Variants in CSMD1 observed in about 807,000 individuals in gnomAD.
CSMD1 encodes CUB and Sushi multiple domains 1.
A neutral mutation model predicts 417.5 loss-of-function variants in CSMD1; 213 were observed. The ratio of observed to expected loss-of-function variants is 0.51; its 90% CI spans 0.46 to 0.57. The LOEUF is 0.57. Among genes scored for constraint, CSMD1 ranks in the 20% least tolerant of loss-of-function variants. The pLI, the probability that CSMD1 is intolerant of heterozygous loss-of-function variation, is 0.00. For missense variants in CSMD1, 6,923 were observed against 4,529.7 expected (o/e 1.53, Z -15.17); for synonymous variants, 2,862 against 1,736.8 (o/e 1.65, Z -16.11).
intron 1 of CSMD1, among the ~76,000 whole-genome samples, chr8:4,994,067 T>C (rs1020067155): frequency 6.6e-6 from 1 of 151,404 alleles, no homozygotes; most frequent in Admixed American, 6.6e-5. Flanking sequence ...CTTGACACCC[T>C]GTACTGCCGA....
chr8:4,012,609 T>C (rs1192768063), intron 4 of CSMD1, among the ~76,000 whole-genome samples: 1 of 152,112 alleles, frequency 6.6e-6, no homozygotes, highest in Non-Finnish European at 1.5e-5. Context: ...AGTGACTATG[T>C]CATCTGTATG....
intron 10 of CSMD1, among the ~76,000 whole-genome samples, chr8:3,513,582 A>G (rs1797167343): frequency 6.6e-6 from 1 of 152,170 alleles, no homozygotes; most frequent in African/African-American, 2.4e-5. Context: ...CCTGATTAAT[A>G]CACTAATCCT....
Position 2,951,177 on chromosome 8 carries a change from C to T in CSMD1, c.10138G>A (p.Ala3380Thr), listed in dbSNP as rs2128919504. Residue 3380 changes from alanine (A) to threonine (T), a missense_variant, in exon 66 of 70, where the codon GCA becomes ACA. Physicochemically the swap from Ala to Thr is moderately conservative, Grantham distance 58 (BLOSUM62 0). Transcript: ENST00000635120. Reference sequence around the variant, plus strand: ...GTGGCATTCACCTTACTGCTTGTTGCATTGAACCAGTCAACAGTTAGAGTG... The same window carrying T: ...GTGGCATTCACCTTACTGCTTGTTGTATTGAACCAGTCAACAGTTAGAGTG... Reference protein sequence around the residue: ...PATLTVDWFNATSSKVNATFS... With the variant: ...PATLTVDWFNTTSSKVNATFS... 1 of 1,613,598 alleles carries T rather than the reference C, an allele frequency of 6.2e-7. No homozygotes were observed. Among genetic ancestry groups the T allele is most frequent in the Non-Finnish European group, 8.5e-7 (1 of 1,179,664 alleles).
intron 10 of CSMD1, among the ~76,000 whole-genome samples, chr8:3,553,465 A>C (rs192193370): frequency 6.6e-6 from 1 of 152,194 alleles, no homozygotes; most frequent in African/African-American, 2.4e-5. Flanking sequence ...CTACTATGAA[A>C]AAAATTTGAA....
intron 5 of CSMD1, among the ~76,000 whole-genome samples, chr8:3,840,698 T>TTTA (rs1056890599): frequency 6.6e-6 from 1 of 150,710 alleles, no homozygotes; most frequent in African/African-American, 2.4e-5. Flanking sequence ...TTTTAATTTT[T>TTTA]TTTTTTTTTT....
At chr8:3,474,255 T>A (rs368120046) in intron 11 of CSMD1, among the ~76,000 whole-genome samples, 1 of 152,042 alleles carries the variant, frequency 6.6e-6, no homozygotes, top group Non-Finnish European at 1.5e-5. Context: ...TGAATATAAA[T>A]CGTCAAATAA....
intron 3 of CSMD1, among the ~76,000 whole-genome samples, chr8:4,156,946 C>T (rs1050789168): frequency 6.6e-6 from 1 of 152,062 alleles, no homozygotes. Context: ...CTTTATCTAT[C>T]CAACCAACTT....
intron 7 of CSMD1, among the ~76,000 whole-genome samples, chr8:3,625,178 C>G (rs1411261386): frequency 6.6e-6 from 1 of 151,940 alleles, no homozygotes; most frequent in African/African-American, 2.4e-5. Flanking sequence ...TCTATATAAA[C>G]AGGTAAAATA....
intron 2 of CSMD1, among the ~76,000 whole-genome samples, chr8:4,623,373 T>C (rs1250118030): frequency 6.6e-6 from 1 of 152,096 alleles, no homozygotes; most frequent in Non-Finnish European, 1.5e-5. Context: ...CTAAAATTCA[T>C]CCCTCAGGTG....
intron 10 of CSMD1, among the ~76,000 whole-genome samples, chr8:3,514,122 A>C (rs1232383681): frequency 6.6e-6 from 1 of 152,086 alleles, no homozygotes; most frequent in Non-Finnish European, 1.5e-5. Context: ...AGGAGGCTCA[A>C]ATCAATCTCT....
At chr8:3,182,423 C>T (rs1472957123) in intron 36 of CSMD1, among the ~76,000 whole-genome samples, 2 of 152,226 alleles carry the variant, frequency 1.3e-5, no homozygotes, top group Middle Eastern at 3.4e-3. Context: ...CCATGTTGGC[C>T]AGGCTGGTCT....
At chr8:3,500,776 G>C (rs1030904241) in intron 10 of CSMD1, among the ~76,000 whole-genome samples, 4 of 152,190 alleles carry the variant, frequency 2.6e-5, no homozygotes, top group African/African-American at 9.6e-5. Context: ...AGAAAGAACA[G>C]CAGAGTTGTA....
At position 3,991,625 on chromosome 8, in the gene CSMD1, T is replaced by A. The variant is rs2688376; in HGVS notation, c.818+6278A>T. Reference sequence around the variant, plus strand: ...CACAGTAACAGAGATGACTACAAATTAGAAGTGGAGGGCACTTTCTTTGTA... The same window carrying A: ...CACAGTAACAGAGATGACTACAAATAAGAAGTGGAGGGCACTTTCTTTGTA... On this transcript the variant is annotated intron_variant, in intron 5 of 69. Transcript: ENST00000635120. Among the ~76,000 whole-genome samples, 1,027 of 152,300 alleles carry A rather than the reference T, an allele frequency of 6.7e-3. 23 individuals are homozygous for A. The East Asian group carries it at 0.076, about 11-fold the overall frequency.
chr8:4,523,439 G>A (rs961898244), intron 2 of CSMD1, among the ~76,000 whole-genome samples: 1 of 152,134 alleles, frequency 6.6e-6, no homozygotes, highest in Non-Finnish European at 1.5e-5. Context: ...TTCAGAAGGT[G>A]TAAAACTCAT....
intron 1 of CSMD1, among the ~76,000 whole-genome samples, chr8:4,695,843 G>T (rs908184770): frequency 6.6e-6 from 1 of 152,166 alleles, no homozygotes; most frequent in Admixed American, 6.5e-5. Flanking sequence ...ATAAACAGAG[G>T]ATCATCTAGA....
chr8:4,724,561 TG>T (rs1439273444), intron 1 of CSMD1, among the ~76,000 whole-genome samples: 21 of 149,958 alleles, frequency 1.4e-4, no homozygotes, highest in African/African-American at 4.7e-4. Context: ...TGTGTGTGTG[TG>T]TTTATACTCC....
At chr8:3,643,215 G>A (rs888578560) in intron 7 of CSMD1, among the ~76,000 whole-genome samples, 2 of 152,026 alleles carry the variant, frequency 1.3e-5, no homozygotes, top group Admixed American at 1.3e-4. Context: ...AATGAAAATG[G>A]TGACCATATT....
At chr8:3,992,663 C>A (rs1814850071) in intron 5 of CSMD1, among the ~76,000 whole-genome samples, 1 of 152,076 alleles carries the variant, frequency 6.6e-6, no homozygotes, top group African/African-American at 2.4e-5. Flanking sequence ...CACCTGTAGT[C>A]CCAGATACAA....
intron 12 of CSMD1, among the ~76,000 whole-genome samples, chr8:3,448,683 C>A (rs1034940334): frequency 1.3e-5 from 2 of 152,034 alleles, no homozygotes; most frequent in Non-Finnish European, 2.9e-5. Context: ...TGACCCATGA[C>A]CTTCAGGAAC....
Sources: allele counts gnomAD v4.1 joint callset (sites outside exome capture counted in the v4.1 genomes callset), GRCh38; gene constraint gnomAD v4.1.1; transcripts MANE v1.5; gene names NCBI Gene and HGNC (gene_info 2026-07-23, HGNC 2026-07-21).